DDX41: variants seen among roughly 807,000 people sequenced by gnomAD.
DDX41 encodes DEAD-box helicase 41, also known as probable ATP-dependent RNA helicase DDX41.
A neutral mutation model predicts 78.8 loss-of-function variants in DDX41; 50 were observed. The ratio of observed to expected loss-of-function variants is 0.63; its 90% CI spans 0.51 to 0.80. The LOEUF (loss-of-function observed/expected upper bound fraction) is 0.80, where lower values mean the gene tolerates loss of function less well. Among genes scored for constraint, DDX41 ranks in the 30% least tolerant of loss-of-function variants. The pLI is 0.00. For synonymous variants in DDX41, 381 were observed against 321.5 expected, an observed-to-expected ratio of 1.19 and a Z score of -1.98; for missense variants, 633 against 849.2, an observed-to-expected ratio of 0.75 and a Z score of 3.16.
intron 7 of DDX41, 25 bp from the exon 8 acceptor site, chr5:177,515,094 G>A: frequency 1.2e-6 from 2 of 1,611,684 alleles, no homozygotes; most frequent in Non-Finnish European, 8.5e-7. Context: ...TGACCCGAGG[G>A]CCAATTTCAA....
At position 177,512,438 on chromosome 5, in the gene DDX41, G is replaced by C. The variant is rs777911933; in HGVS notation, c.1550-45C>G. On this transcript the variant is annotated intron_variant, in intron 14 of 16. Coordinates refer to ENST00000330503, the MANE Select transcript of DDX41 (RefSeq NM_016222.4). ...GTCTCTGGCCCATCGCTGGACACTA[G>C]GGGCCTGGCTTGGCCCTTTTCCGGC... 3.7e-6 allele frequency: 6 copies of C among 1,613,986 alleles called. No individual in the cohort carries two copies. The African/African-American group carries it at 6.7e-5, about 18-fold the overall frequency.
Position 177,511,837 on chromosome 5 carries a change from T to G in DDX41, c.1823A>C (p.Asn608Thr). The G allele has an allele frequency of 6.2e-7, 1 of 1,614,168 alleles. No homozygotes were observed. The highest frequency in any genetic ancestry group is 8.5e-7 in the Non-Finnish European group (1 of 1,180,024). The change falls in exon 17 of 17, where the codon AAC becomes ACC. Residue 608 changes from asparagine to threonine, a missense_variant. Asn to Thr is a moderately conservative substitution (Grantham distance 65). Transcript: ENST00000330503. ...GGCCAGGTAGTCCTTGCGACCGATG[T>G]TGCTGACCTGCTTGGTCTGCATAGC... ...LEAMQTKQVS[N>T]IGRKDYLAHS...
chr5:177,513,069 A>C lies in DDX41; in HGVS notation c.1244T>G (p.Val415Gly). ...GTACACCATCTTGGCCTCCTCCTTC[A>C]CATATTCTACCTCCTGCCACCACAA... is the stretch of plus-strand genomic sequence containing the variant. ...SLDVIQEVEY[V>G]KEEAKMVYLL... The change falls in exon 12 of 17, where the codon GTG becomes GGG. Residue 415 changes from valine (V) to glycine (G), a missense_variant. By Grantham distance (109) the Val-to-Gly change is moderately radical (BLOSUM62 -3). Coordinates refer to ENST00000330503, the MANE Select transcript of DDX41 (RefSeq NM_016222.4). This position sits in a 1 kb window ranked among gnomAD's most constrained non-coding sequence, Gnocchi z 4.6. 1 of 1,613,554 alleles carries C rather than the reference A, an allele frequency of 6.2e-7. No homozygotes were observed. Among genetic ancestry groups the C allele is most frequent in the Non-Finnish European group, 8.5e-7 (1 of 1,179,822 alleles).
intron 15 of DDX41, 29 bp from the exon 16 acceptor site, chr5:177,512,235 C>T (rs752329415): frequency 1.2e-6 from 2 of 1,613,660 alleles, no homozygotes; most frequent in African/African-American, 1.3e-5. Context: ...AGCATCAGGG[C>T]CCATCCTGGG....
chr5:177,515,733 C>G lies in DDX41; in HGVS notation c.523G>C (p.Gly175Arg), dbSNP rs377695856. Residue 175 changes from glycine (G) to arginine (R), a missense_variant, in exon 6 of 17, where the codon GGT (glycine) becomes CGT (arginine). This residue lies in a region of DDX41 where 126 missense variants were observed against 115.5 expected (regional missense o/e 1.09). Coordinates refer to ENST00000330503, the MANE Select transcript of DDX41 (RefSeq NM_016222.4). ...AAGCTCTTGATGGGTGGTGGGATAC[C>G]GTCTCCCTCCACCAGGATGTGGTAT... ...KKYHILVEGDGIPPPIKSFKE... is the reference protein window; with the variant it reads ...KKYHILVEGDRIPPPIKSFKE... 2.5e-6 allele frequency: 4 copies of G among 1,614,092 alleles called. No homozygotes were observed. Among genetic ancestry groups the G allele is most frequent in the Non-Finnish European group, 3.4e-6 (4 of 1,180,012 alleles).
chr5:177,515,542 A>C (rs1459384357), intron 6 of DDX41, 143 bp downstream of exon 6: 1 of 1,070,780 alleles, frequency 9.3e-7, no homozygotes, highest in African/African-American at 1.6e-5. Flanking sequence ...GCAACAAGGA[A>C]CCTAAAGAAA....
chr5:177,516,223 G>A, intron 3 of DDX41, 30 bp from the exon 4 acceptor site: 3 of 1,614,152 alleles, frequency 1.9e-6, no homozygotes, highest in Non-Finnish European at 2.5e-6. Flanking sequence ...ATGTCAGACA[G>A]ATACCAAAAC....
At position 177,513,817 on chromosome 5, in the gene DDX41, C is replaced by T. The variant is rs542411494; in HGVS notation, c.966G>A (p.Gly322=). ...TCTTCTGCAGCAAATCCATGAGGCG[C>T]CCCGGGGTGGCCACCATCATGTGTA... ...HGVHMMVATP[G]RLMDLLQKKM... The change falls in exon 10 of 17, where the codon GGG becomes GGA. Residue 322 remains glycine, a synonymous_variant. Coordinates refer to ENST00000330503, the MANE Select transcript of DDX41 (RefSeq NM_016222.4). This position sits in a 1 kb window ranked among gnomAD's most constrained non-coding sequence, Gnocchi z 4.6. 2.5e-6 allele frequency: 4 copies of T among 1,613,708 alleles called. No homozygotes were observed. Among genetic ancestry groups the T allele is most frequent in the Non-Finnish European group, 2.5e-6 (3 of 1,180,000 alleles).
Position 177,515,941 on chromosome 5 carries a change from G to A in DDX41, c.422C>T (p.Pro141Leu), listed in dbSNP as rs781486582. The A allele has an allele frequency of 6.2e-7, 1 of 1,614,110 alleles. No individual in the cohort carries two copies. The highest frequency in any genetic ancestry group is 1.1e-5 in the South Asian group (1 of 91,086). The part of the protein sequence containing the change: ...EMAKGITYDD[P>L]IKTSWTPPRY... ...TGTACAGACATACCTGGTTTTGATG[G>A]GGTCATCATACGTAATGCCCTTAGC... The change falls in exon 5 of 17, where the codon CCC (proline) becomes CTC (leucine). Residue 141 changes from proline (P) to leucine (L), a missense_variant. Physicochemically the swap from Pro to Leu is moderately conservative, Grantham distance 98. Coordinates refer to ENST00000330503, the MANE Select transcript of DDX41 (RefSeq NM_016222.4).
At chr5:177,515,358 G>GAAAC (rs762011120) in intron 6 of DDX41, 100 bp from the exon 7 acceptor site, 1 of 1,172,246 alleles carries the variant, frequency 8.5e-7, no homozygotes, top group Non-Finnish European at 1.3e-6. Context: ...TGCAGATGAT[G>GAAAC]AAACTGAGGC....
At chr5:177,515,906 A>T (rs1453768076) in intron 5 of DDX41, 23 bp downstream of exon 5, 4 of 1,614,232 alleles carry the variant, frequency 2.5e-6, no homozygotes, top group Non-Finnish European at 3.4e-6. Context: ...AAGCAAGGGC[A>T]ACTGCAGACT....
Position 177,516,114 on chromosome 5 carries a change from C to T in DDX41, c.373+5G>A, listed in dbSNP as rs1159443626. On this transcript the variant is annotated splice_donor_5th_base_variant and intron_variant, in intron 4 of 16. Transcript: ENST00000330503. ...ACCTTCTCACTATCCTGGCTACAAC[C>T]ATACCTCGGCCCTCGGCAACACTCT... 2 of 1,613,948 alleles carry T rather than the reference C, an allele frequency of 1.2e-6. No individual in the cohort carries two copies. Among genetic ancestry groups the T allele is most frequent in the African/African-American group, 2.7e-5 (2 of 74,932 alleles).
At position 177,516,358 on chromosome 5, in the gene DDX41, G is replaced by C. The variant is rs755126084; in HGVS notation, c.228C>G (p.Asp76Glu). Residue 76 changes from aspartate to glutamate, a missense_variant, in exon 3 of 17, where the codon GAC becomes GAG. Asp to Glu is a conservative substitution (Grantham distance 45). This residue lies in a region of DDX41 where 140 missense variants were observed against 115.2 expected (regional missense o/e 1.22). Coordinates refer to ENST00000330503, the MANE Select transcript of DDX41 (RefSeq NM_016222.4). ...SGSEPRGDEDDIPLGPQSNVS... is the reference protein window; with the variant it reads ...SGSEPRGDEDEIPLGPQSNVS... Reference sequence around the variant, plus strand: ...CGTTGGACTGAGGGCCTAGCGGGATGTCGTCCTCATCTCCCCGGGGTTCAC... The same window carrying C: ...CGTTGGACTGAGGGCCTAGCGGGATCTCGTCCTCATCTCCCCGGGGTTCAC... 6.2e-7 allele frequency: 1 copy of C among 1,614,106 alleles called. No individual in the cohort carries two copies. The highest frequency in any genetic ancestry group is 1.1e-5 in the South Asian group (1 of 91,090).
Position 177,512,396 on chromosome 5 carries a change from G to T in DDX41, c.1550-3C>A. ...CCCGGTGCGGCCAATCCGGTGTACT[G>T]CAGAGAGAAGGACAGAGTCTCTGGC... is the stretch of plus-strand genomic sequence containing the variant. On this transcript the variant is annotated splice_polypyrimidine_tract_variant and splice_region_variant and intron_variant, in intron 14 of 16. Coordinates refer to ENST00000330503, the MANE Select transcript of DDX41 (RefSeq NM_016222.4). 6 of 1,614,100 alleles carry T rather than the reference G, an allele frequency of 3.7e-6. No homozygotes were observed. The highest frequency in any genetic ancestry group is 4.2e-6 in the Non-Finnish European group (5 of 1,180,024).
chr5:177,515,789 G>A lies in DDX41; in HGVS notation c.467C>T (p.Ser156Phe). ...WTPPRYVLSM[S>F]EERHERVRKK... Reference sequence around the variant, plus strand: ...CCGCACGCGCTCATGTCGCTCTTCAGACATGCTCAGAACATAACGGGGTGG... The same window carrying A: ...CCGCACGCGCTCATGTCGCTCTTCAAACATGCTCAGAACATAACGGGGTGG... The change falls in exon 6 of 17, where the codon TCT becomes TTT. Residue 156 changes from serine (S) to phenylalanine (F), a missense_variant. Ser to Phe is a radical substitution (Grantham distance 155, BLOSUM62 -2). This residue lies in a region of DDX41 where 126 missense variants were observed against 115.5 expected (regional missense o/e 1.09). Coordinates refer to ENST00000330503, the MANE Select transcript of DDX41 (RefSeq NM_016222.4). The A allele has an allele frequency of 1.9e-6, 3 of 1,614,184 alleles. No individual in the cohort carries two copies. The highest frequency in any genetic ancestry group is 2.5e-6 in the Non-Finnish European group (3 of 1,180,044).
At chr5:177,515,633 TCA>T in intron 6 of DDX41, 50 bp downstream of exon 6, 1 of 1,602,102 alleles carries the variant, frequency 6.2e-7, no homozygotes, top group East Asian at 2.2e-5. Flanking sequence ...GGACATAACC[TCA>T]CAGGCATTTG....
chr5:177,516,535 G>T (rs929496453), intron 2 of DDX41, 88 bp from the exon 3 acceptor site: 2 of 1,543,408 alleles, frequency 1.3e-6, no homozygotes, highest in Non-Finnish European at 1.8e-6. Flanking sequence ...CGAGGATCCT[G>T]TGCCCGAGGC....
Position 177,513,523 on chromosome 5 carries a change from C to G in DDX41, c.1099-39G>C, listed in dbSNP as rs781350513. On this transcript the variant is annotated intron_variant, in intron 10 of 16. Coordinates refer to ENST00000330503, the MANE Select transcript of DDX41 (RefSeq NM_016222.4). This position sits in a 1 kb window ranked among gnomAD's most constrained non-coding sequence, Gnocchi z 4.6. ...GGGCTGCGACCAAGGGCACACAGGG[C>G]TGGGCTGAGGGGCATGGGGTCTGGG... The G allele has an allele frequency of 2.5e-6, 4 of 1,613,730 alleles. No individual in the cohort carries two copies. Among genetic ancestry groups the G allele is most frequent in the Non-Finnish European group, 3.4e-6 (4 of 1,179,974 alleles).
Position 177,514,737 on chromosome 5 carries a change from C to T in DDX41, c.899G>A (p.Gly300Asp). The T allele has an allele frequency of 6.2e-7, 1 of 1,612,572 alleles. No individual in the cohort carries two copies. Among genetic ancestry groups the T allele is most frequent in the Non-Finnish European group, 8.5e-7 (1 of 1,179,754 alleles). ...CTCCATCTGCTCTTTCACGGACATGCCCCCAATGCAGAGGGCGCAGCGCAG... is the reference window on the plus strand; with the variant it reads ...CTCCATCTGCTCTTTCACGGACATGTCCCCAATGCAGAGGGCGCAGCGCAG... ...PLLRCALCIG[G>D]MSVKEQMETI... The change falls in exon 9 of 17, where the codon GGC becomes GAC. Residue 300 changes from glycine (G) to aspartate (D), a missense_variant. Around this residue, in one of 6 missense-constraint regions of DDX41, gnomAD observed 151 missense variants for 169.2 expected, o/e 0.89. Transcript: ENST00000330503. This position sits in a 1 kb window ranked among gnomAD's most constrained non-coding sequence, Gnocchi z 4.2.
Sources: allele counts gnomAD v4.1 joint callset, GRCh38; gene constraint gnomAD v4.1.1; regional missense constraint gnomAD v4.1.1; non-coding constraint Gnocchi (gnomAD v3.1); transcripts MANE v1.5; gene names NCBI Gene and HGNC (gene_info 2026-07-23, HGNC 2026-07-21).